Variants in MARCHF1 observed in about 807,000 individuals in gnomAD.
MARCHF1 encodes the protein E3 ubiquitin-protein ligase MARCHF1.
Under a neutral mutation model 54.2 loss-of-function variants are expected in MARCHF1, and 40 were observed. The observed-to-expected ratio is 0.74, with a 90% confidence interval of 0.57 to 0.96. The LOEUF is 0.96. MARCHF1 is among the 40% of genes least tolerant of loss of function. MARCHF1 has a pLI of 0.00. For synonymous variants in MARCHF1, 236 were observed against 236.3 expected (o/e 1.00, Z 0.01); for missense variants, 586 against 656.5 (o/e 0.89, Z 1.17).
chr4:163,966,294 C>T (rs954428432), intron 3 of MARCHF1, among the ~76,000 whole-genome samples: 4 of 151,300 alleles, frequency 2.6e-5, no homozygotes, highest in African/African-American at 7.3e-5. Flanking sequence ...ATTTAAATTC[C>T]CCACCATTAA....
At chr4:164,158,653 A>C (rs535457164) in intron 1 of MARCHF1, among the ~76,000 whole-genome samples, 1 of 152,266 alleles carries the variant, frequency 6.6e-6, no homozygotes, top group South Asian at 2.1e-4. Flanking sequence ...AATAATAATA[A>C]TAAATTAAAA....
intron 1 of MARCHF1, among the ~76,000 whole-genome samples, chr4:164,259,051 T>C (rs1462317065): frequency 6.6e-6 from 1 of 152,190 alleles, no homozygotes. Context: ...AGGCATGATG[T>C]TTATGATATT....
chr4:163,528,538 A>ATACTT lies in MARCHF1; in HGVS notation c.*205_*209dup, dbSNP rs376474868. ...CTTGCAAACTTCACATTTCCATATC[A>ATACTT]TACTTTACTTTACGCTATTACTTCA... On this transcript the variant is annotated 3_prime_UTR_variant, in exon 10 of 10. Coordinates refer to ENST00000514618, the MANE Select transcript of MARCHF1 (RefSeq NM_001394959.1). The ATACTT allele has an allele frequency of 4.1e-5, 22 of 530,822 alleles. No homozygotes were observed. The highest frequency in any genetic ancestry group is 1.0e-3 in the Middle Eastern group (2 of 1,978). The allele number at this position is 530,822 out of a possible 1,614,324, so 32.9% of individuals were successfully genotyped here. A position where few individuals can be genotyped will look rare whatever the true frequency, so the allele number is the denominator to read the frequency against.
intron 3 of MARCHF1, among the ~76,000 whole-genome samples, chr4:163,934,119 T>G (rs972350726): frequency 6.6e-6 from 1 of 152,158 alleles, no homozygotes; most frequent in African/African-American, 2.4e-5. Flanking sequence ...ATGTGTGGGG[T>G]GTACAGTTTG....
Position 163,922,882 on chromosome 4 carries a change from T to C in MARCHF1, c.-39+65619A>G, listed in dbSNP as rs374923783. 2.0e-4 allele frequency among the ~76,000 whole-genome samples: 30 copies of C among 152,296 alleles called. 1 individual carries two copies. The South Asian group carries it at 6.2e-3, about 32-fold the overall frequency. ...TTCTTCCAAAAATTTTAGAGCTATTTTTTAAAAATTTAGAAAAAAGAATCA... is the reference window on the plus strand; with the variant it reads ...TTCTTCCAAAAATTTTAGAGCTATTCTTTAAAAATTTAGAAAAAAGAATCA... On this transcript the variant is annotated intron_variant, in intron 3 of 9. Coordinates refer to ENST00000514618, the MANE Select transcript of MARCHF1 (RefSeq NM_001394959.1).
At chr4:164,126,758 G>A (rs962102122) in intron 1 of MARCHF1, among the ~76,000 whole-genome samples, 1 of 152,126 alleles carries the variant, frequency 6.6e-6, no homozygotes, top group Non-Finnish European at 1.5e-5. Context: ...ATTCTAACGA[G>A]ATCTCAGAAG....
intron 1 of MARCHF1, among the ~76,000 whole-genome samples, chr4:164,153,972 T>C (rs892516702): frequency 9.2e-5 from 14 of 152,214 alleles, no homozygotes; most frequent in East Asian, 3.8e-4. Context: ...AGAAGTGTCA[T>C]TGCTCTATTA....
intron 2 of MARCHF1, among the ~76,000 whole-genome samples, chr4:164,099,239 G>C (rs1228679335): frequency 6.6e-6 from 1 of 152,178 alleles, no homozygotes; most frequent in Non-Finnish European, 1.5e-5. Flanking sequence ...TATTTCAGCA[G>C]ATTGATATTT....
chr4:163,838,207 A>T (rs1261677732), intron 4 of MARCHF1, among the ~76,000 whole-genome samples: 2 of 152,122 alleles, frequency 1.3e-5, no homozygotes, highest in Non-Finnish European at 2.9e-5. Context: ...AAATCCATGG[A>T]TGGATGGTCA....
chr4:163,999,354 A>G (rs902291798), intron 2 of MARCHF1, among the ~76,000 whole-genome samples: 3 of 151,616 alleles, frequency 2.0e-5, no homozygotes, highest in Admixed American at 6.6e-5. Flanking sequence ...TTACCTAATA[A>G]AGGCTTTAAT....
At chr4:164,070,257 T>A (rs937933599) in intron 2 of MARCHF1, among the ~76,000 whole-genome samples, 1 of 151,776 alleles carries the variant, frequency 6.6e-6, no homozygotes, top group African/African-American at 2.4e-5. Context: ...AAGAAAAGAG[T>A]TTTCTGTCAT....
At chr4:164,258,346 T>C (rs537421625) in intron 1 of MARCHF1, among the ~76,000 whole-genome samples, 64 of 151,550 alleles carry the variant, frequency 4.2e-4, no homozygotes, top group African/African-American at 1.5e-3. Flanking sequence ...TGTATACCTA[T>C]GTAACAAACC....
intron 2 of MARCHF1, among the ~76,000 whole-genome samples, chr4:164,096,663 A>G (rs1755420354): frequency 6.6e-6 from 1 of 152,142 alleles, no homozygotes; most frequent in African/African-American, 2.4e-5. Context: ...AAAAAGAATC[A>G]AAGTTAGAGA....
chr4:163,556,631 TAAAAC>T (rs1237913056), intron 8 of MARCHF1, among the ~76,000 whole-genome samples: 1 of 151,710 alleles, frequency 6.6e-6, no homozygotes, highest in African/African-American at 2.4e-5. Flanking sequence ...TATATATAAA[TAAAAC>T]AGAATATATA....
chr4:163,605,294 C>T (rs1426725570), intron 7 of MARCHF1, among the ~76,000 whole-genome samples: 2 of 151,988 alleles, frequency 1.3e-5, no homozygotes, highest in East Asian at 1.9e-4. Flanking sequence ...AGCCAACAAA[C>T]ATATGAAAAA....
chr4:163,692,627 T>C (rs928690101), intron 5 of MARCHF1, among the ~76,000 whole-genome samples: 2 of 151,786 alleles, frequency 1.3e-5, no homozygotes, highest in Admixed American at 6.6e-5. Flanking sequence ...TCAAGTAATA[T>C]AGAAAACCAT....
rs200299404 is a variant in MARCHF1, at chr4:163,636,244, G to C, written c.163-22851C>G. Among the ~76,000 whole-genome samples the C allele has an allele frequency of 4.6e-5, 7 of 151,442 alleles. No individual in the cohort carries two copies. In the East Asian group the frequency reaches 1.4e-3, roughly 30 times the overall value. Reference sequence around the variant, plus strand: ...AACATAGTGTTGGAAGTTCTGGCCAGGGCAATTAGGCAGGAGAAGGAAATA... The same window carrying C: ...AACATAGTGTTGGAAGTTCTGGCCACGGCAATTAGGCAGGAGAAGGAAATA... On this transcript the variant is annotated intron_variant, in intron 5 of 9. Coordinates refer to ENST00000514618, the MANE Select transcript of MARCHF1 (RefSeq NM_001394959.1).
chr4:164,360,912 T>C (rs373610183), intron 1 of MARCHF1, among the ~76,000 whole-genome samples: 15 of 152,152 alleles, frequency 9.9e-5, no homozygotes, highest in African/African-American at 2.2e-4. Flanking sequence ...TAAATTATCT[T>C]AGGCAAATAC....
chr4:163,776,192 T>C (rs981759427), intron 4 of MARCHF1, among the ~76,000 whole-genome samples: 1 of 152,048 alleles, frequency 6.6e-6, no homozygotes, highest in African/African-American at 2.4e-5. Flanking sequence ...ATTATGTAAG[T>C]TTTATAAATG....
Sources: allele counts gnomAD v4.1 joint callset (sites outside exome capture counted in the v4.1 genomes callset), GRCh38; gene constraint gnomAD v4.1.1; transcripts MANE v1.5; gene names NCBI Gene and HGNC (gene_info 2026-07-23, HGNC 2026-07-21).